The following CFAP90 variants were observed in gnomAD, a reference collection of about 807,000 sequenced individuals.
CFAP90 encodes cilia and flagella associated protein 90.
the CFAP90 span, among the ~76,000 whole-genome samples, chr5:7,850,195 G>C: frequency 2.0e-5 from 3 of 152,108 alleles, no homozygotes; most frequent in Non-Finnish European, 4.4e-5. Context: ...CGCCTGAGCT[G>C]TACTCTTTGG....
the CFAP90 span, chr5:7,851,025 G>A: frequency 8.0e-7 from 1 of 1,251,632 alleles, no homozygotes; most frequent in Non-Finnish European, 1.0e-6. Flanking sequence ...CCTCCATGCC[G>A]CCACCGTCCA....
the CFAP90 span, among the ~76,000 whole-genome samples, chr5:7,836,759 G>A: frequency 6.6e-6 from 1 of 152,154 alleles, no homozygotes; most frequent in Non-Finnish European, 1.5e-5. Flanking sequence ...AAAACTCAGG[G>A]AAGGTACCAG....
chr5:7,830,791 G>C, the CFAP90 span: 2 of 152,200 alleles, frequency 1.3e-5, no homozygotes, highest in East Asian at 3.8e-4. Flanking sequence ...TGGTAGATGA[G>C]AGATGATTTC....
the CFAP90 span, among the ~76,000 whole-genome samples, chr5:7,845,459 G>A: frequency 1.3e-5 from 2 of 152,076 alleles, no homozygotes; most frequent in Non-Finnish European, 2.9e-5. Context: ...CCTAAGGTGG[G>A]GCCTTTACAG....
At chr5:7,840,736 G>A in the CFAP90 span, among the ~76,000 whole-genome samples, 1 of 152,134 alleles carries the variant, frequency 6.6e-6, no homozygotes, top group Non-Finnish European at 1.5e-5. Context: ...ACCTTATTTG[G>A]AATAAGGTAA....
the CFAP90 span, among the ~76,000 whole-genome samples, chr5:7,832,501 C>CT: frequency 2.0e-5 from 3 of 151,952 alleles, no homozygotes; most frequent in Admixed American, 6.6e-5. Context: ...CTCATCATTT[C>CT]TTTTTTTTCT....
chr5:7,833,738 C>T, the CFAP90 span, among the ~76,000 whole-genome samples: 24 of 152,102 alleles, frequency 1.6e-4, no homozygotes, highest in African/African-American at 4.8e-4. Flanking sequence ...ATCTCATATA[C>T]GACGGTAGTC....
At chr5:7,836,784 T>TCTAGAAAACATTGTTTTC in the CFAP90 span, among the ~76,000 whole-genome samples, 2 of 152,166 alleles carry the variant, frequency 1.3e-5, no homozygotes, top group Admixed American at 1.3e-4. Flanking sequence ...CATTGTTTTC[T>TCTAGAAAACATTGTTTTC]TCCTTGGTGA....
chr5:7,848,502 G>A, the CFAP90 span, among the ~76,000 whole-genome samples: 2 of 152,352 alleles, frequency 1.3e-5, no homozygotes, highest in South Asian at 2.1e-4. Flanking sequence ...CTGTCTCACA[G>A]TACTGGCACC....
chr5:7,845,951 G>T, the CFAP90 span, among the ~76,000 whole-genome samples: 2 of 74,722 alleles, frequency 2.7e-5, no homozygotes, highest in African/African-American at 9.0e-5. Context: ...GCCTTCACCT[G>T]TGTTAATTTC....
chr5:7,849,874 T>G, the CFAP90 span, among the ~76,000 whole-genome samples: 1 of 152,030 alleles, frequency 6.6e-6, no homozygotes, highest in Non-Finnish European at 1.5e-5. Flanking sequence ...CAGCAAGGCC[T>G]TCTTTCCTTG....
chr5:7,839,136 T>G, the CFAP90 span, among the ~76,000 whole-genome samples: 1 of 152,102 alleles, frequency 6.6e-6, no homozygotes, highest in Admixed American at 6.5e-5. Context: ...AACCATCAGA[T>G]CTCATGAGAC....
chr5:7,849,934 C>T, the CFAP90 span, among the ~76,000 whole-genome samples: 1 of 152,074 alleles, frequency 6.6e-6, no homozygotes, highest in African/African-American at 2.4e-5. Context: ...GCGCCCAGCC[C>T]GCTGGGCGGC....
At chr5:7,839,626 A>C in the CFAP90 span, among the ~76,000 whole-genome samples, 1 of 152,246 alleles carries the variant, frequency 6.6e-6, no homozygotes, top group African/African-American at 2.4e-5. Context: ...CATTCTAATC[A>C]GGTCTCCTGA....
the CFAP90 span, among the ~76,000 whole-genome samples, chr5:7,846,067 A>C: frequency 6.6e-6 from 1 of 152,142 alleles, no homozygotes; most frequent in African/African-American, 2.4e-5. Flanking sequence ...AATAATAGCT[A>C]TACTTGCATT....
the CFAP90 span, among the ~76,000 whole-genome samples, chr5:7,844,271 C>T: frequency 4.6e-5 from 7 of 152,104 alleles, no homozygotes; most frequent in Admixed American, 1.3e-4. Context: ...CTGCCATTGA[C>T]GATACCAGAG....
the CFAP90 span, among the ~76,000 whole-genome samples, chr5:7,841,807 C>A: frequency 6.6e-6 from 1 of 152,092 alleles, no homozygotes; most frequent in Non-Finnish European, 1.5e-5. Context: ...GGGTGGGCAA[C>A]ACACACTGGG....
chr5:7,851,046 C>A, the CFAP90 span: 1 of 1,238,170 alleles, frequency 8.1e-7, no homozygotes, highest in South Asian at 3.8e-5. Flanking sequence ...GCGCCCCCGC[C>A]TTGGCCGCGG....
At chr5:7,831,926 ACAT>A in the CFAP90 span, 1 of 1,614,164 alleles carries the variant, frequency 6.2e-7, no homozygotes, top group Non-Finnish European at 8.5e-7. Context: ...GTCAGCCTGC[ACAT>A]GGTTGGCACG....
Sources: gnomAD v4.1 joint callset for allele counts (sites outside exome capture counted in the v4.1 genomes callset) on GRCh38, gnomAD v4.1.1 for gene constraint, MANE v1.5 for transcripts, NCBI Gene and HGNC (gene_info 2026-07-23, HGNC 2026-07-21) for gene names.